The following HHAT variants were observed in gnomAD, a reference collection of about 807,000 sequenced individuals.
The protein encoded by HHAT is hedgehog acyltransferase.
In HHAT, 47 loss-of-function variants were observed where a neutral mutation model predicts 70.8. The ratio of observed to expected loss-of-function variants is 0.66; its 90% CI spans 0.53 to 0.85. The LOEUF (loss-of-function observed/expected upper bound fraction) is 0.85. Among genes scored for constraint, HHAT ranks in the 40% least tolerant of loss-of-function variants. HHAT has a pLI of 0.00. For missense variants in HHAT, 609 were observed against 604.8 expected, an observed-to-expected ratio of 1.01 and a Z score of -0.07; for synonymous variants, 228 against 247.6, an observed-to-expected ratio of 0.92 and a Z score of 0.74.
At chr1:210,380,132 A>G (rs949881004) in intron 3 of HHAT, among the ~76,000 whole-genome samples, 2 of 152,212 alleles carry the variant, frequency 1.3e-5, no homozygotes, top group Non-Finnish European at 2.9e-5. Flanking sequence ...TCAAATTTTT[A>G]TTGAGTATCT....
chr1:210,539,411 C>T (rs187419631), intron 9 of HHAT, among the ~76,000 whole-genome samples: 225 of 152,318 alleles, frequency 1.5e-3, no homozygotes, highest in African/African-American at 5.3e-3. Context: ...ATAGTCTTGA[C>T]CTGGAAGGAC....
chr1:210,386,150 G>C (rs1480337640), intron 3 of HHAT, among the ~76,000 whole-genome samples: 1 of 150,866 alleles, frequency 6.6e-6, no homozygotes, highest in African/African-American at 2.4e-5. Flanking sequence ...ATCCAATTAA[G>C]AGAGGCTTCA....
rs954810578 is a variant in HHAT, at chr1:210,349,121, AAAG to A, written c.91+56_91+58del. ...TCAAACAAGGAAACTCCTGTCAAAAAAAGGAGCAGAGGTGGAAGATTCAAGAAG... is the reference window on the plus strand; with the variant it reads ...TCAAACAAGGAAACTCCTGTCAAAAAGAGCAGAGGTGGAAGATTCAAGAAG... On this transcript the variant is annotated intron_variant, in intron 2 of 11. Transcript: ENST00000261458. 7.0e-6 allele frequency: 11 copies of A among 1,570,634 alleles called. No homozygotes were observed. In the African/African-American group the frequency reaches 1.2e-4, roughly 18 times the overall value.
intron 3 of HHAT, among the ~76,000 whole-genome samples, chr1:210,365,954 T>C (rs34655906): frequency 0.12 from 17,900 of 150,438 alleles, 1,144 homozygotes; most frequent in Non-Finnish European, 0.15. Context: ...TGAAGAGATG[T>C]GATCCTGCTC....
chr1:210,583,701 A>G (rs1659764690), intron 9 of HHAT, among the ~76,000 whole-genome samples: 1 of 152,144 alleles, frequency 6.6e-6, no homozygotes, highest in Non-Finnish European at 1.5e-5. Flanking sequence ...GACCTGCCAT[A>G]TATGAATTTC....
At chr1:210,599,387 A>C (rs532166451) in intron 10 of HHAT, among the ~76,000 whole-genome samples, 1 of 152,124 alleles carries the variant, frequency 6.6e-6, no homozygotes, top group South Asian at 2.1e-4. Context: ...TCATATATAC[A>C]ACTGGCTGCT....
chr1:210,555,842 G>A (rs2095567241), intron 9 of HHAT, among the ~76,000 whole-genome samples: 1 of 152,142 alleles, frequency 6.6e-6, no homozygotes, highest in African/African-American at 2.4e-5. Context: ...ATCAGATCAG[G>A]GCTGGGAAGT....
intron 11 of HHAT, among the ~76,000 whole-genome samples, chr1:210,630,316 G>A (rs1670622475): frequency 6.6e-6 from 1 of 152,174 alleles, no homozygotes; most frequent in Admixed American, 6.5e-5. Context: ...CTCTAGAGGA[G>A]CCGTTACTCA....
intron 1 of HHAT, among the ~76,000 whole-genome samples, chr1:210,337,276 A>G (rs1200733740): frequency 6.6e-6 from 1 of 152,246 alleles, no homozygotes; most frequent in Non-Finnish European, 1.5e-5. Flanking sequence ...GTTTATGACC[A>G]TTGGATTAAA....
chr1:210,396,669 G>A (rs1256507475), intron 4 of HHAT, among the ~76,000 whole-genome samples: 2 of 152,168 alleles, frequency 1.3e-5, no homozygotes, highest in Non-Finnish European at 2.9e-5. Flanking sequence ...ATTTGTAATA[G>A]CCCCACATTG....
At chr1:210,330,910 T>G (rs1428358529) in intron 1 of HHAT, among the ~76,000 whole-genome samples, 1 of 152,168 alleles carries the variant, frequency 6.6e-6, no homozygotes, top group Non-Finnish European at 1.5e-5. Flanking sequence ...CCTCCACCTC[T>G]GGGGATCAAG....
chr1:210,539,437 G>A (rs1448921817), intron 9 of HHAT, among the ~76,000 whole-genome samples: 1 of 152,212 alleles, frequency 6.6e-6, no homozygotes, highest in South Asian at 2.1e-4. Context: ...GAGTAGGAAG[G>A]CCTTTGAGCC....
chr1:210,443,162 T>C (rs1376669748), intron 7 of HHAT, among the ~76,000 whole-genome samples: 1 of 151,388 alleles, frequency 6.6e-6, no homozygotes, highest in Non-Finnish European at 1.5e-5. Context: ...TGTAGATATG[T>C]GGCGTTATTT....
chr1:210,463,081 T>C (rs2094013644), intron 7 of HHAT: 1 of 152,068 alleles, frequency 6.6e-6, no homozygotes, highest in African/African-American at 2.4e-5. Flanking sequence ...TGGGCACTGC[T>C]GTGGCAGACC....
intron 11 of HHAT, among the ~76,000 whole-genome samples, chr1:210,651,822 A>C (rs61827421): frequency 0.056 from 8,508 of 152,324 alleles, 309 homozygotes; most frequent in Non-Finnish European, 0.075. Flanking sequence ...CTGGGCATCC[A>C]AGTAAGTAAA....
At chr1:210,474,976 A>G (rs1429252382) in intron 8 of HHAT, among the ~76,000 whole-genome samples, 1 of 151,888 alleles carries the variant, frequency 6.6e-6, no homozygotes, top group Admixed American at 6.6e-5. Flanking sequence ...TCAGTCCCCC[A>G]AGTAGTTGGG....
intron 11 of HHAT, among the ~76,000 whole-genome samples, chr1:210,651,926 C>T (rs76769552): frequency 0.11 from 16,318 of 152,194 alleles, 963 homozygotes; most frequent in Middle Eastern, 0.18. Flanking sequence ...CCCACAGGAG[C>T]CCTGAGTCCT....
At chr1:210,392,674 G>A (rs2091533153) in intron 4 of HHAT, among the ~76,000 whole-genome samples, 2 of 151,994 alleles carry the variant, frequency 1.3e-5, no homozygotes, top group African/African-American at 4.8e-5. Context: ...AGCTTCAAGC[G>A]ATCCTCCCAC....
At chr1:210,607,801 T>TAG (rs112129241) in intron 10 of HHAT, among the ~76,000 whole-genome samples, 6 of 151,504 alleles carry the variant, frequency 4.0e-5, no homozygotes, top group East Asian at 1.9e-4. Flanking sequence ...TTAAAAAAAA[T>TAG]AGAGAGAGAG....
Sources: allele counts gnomAD v4.1 joint callset (sites outside exome capture counted in the v4.1 genomes callset), GRCh38; gene constraint gnomAD v4.1.1; transcripts MANE v1.5; gene names NCBI Gene and HGNC (gene_info 2026-07-23, HGNC 2026-07-21).